Variants in ZMYM4 observed in about 807,000 individuals in gnomAD.
ZMYM4 encodes zinc finger MYM-type containing 4, also known as zinc finger MYM-type protein 4.
ZMYM4 carries 31 observed loss-of-function variants against 183.2 expected under a neutral mutation model. The ratio of observed to expected loss-of-function variants is 0.17; its 90% confidence interval spans 0.13 to 0.23. The LOEUF is 0.23. Among genes scored for constraint, ZMYM4 ranks in the 10% least tolerant of loss-of-function variants. The pLI is 1.00. For missense variants in ZMYM4, 1,273 were observed against 1,840.3 expected (o/e 0.69, Z 5.64); for synonymous variants, 592 against 631.2 (o/e 0.94, Z 0.93).
At chr1:35,378,983 GA>G (rs1257490164) in intron 7 of ZMYM4, among the ~76,000 whole-genome samples, 2 of 152,188 alleles carry the variant, frequency 1.3e-5, no homozygotes, top group Non-Finnish European at 2.9e-5. Flanking sequence ...GAATTCAAGA[GA>G]ATTAGGGCCT....
chr1:35,397,367 G>T lies in ZMYM4; in HGVS notation c.3031-10G>T. On this transcript the variant is annotated splice_polypyrimidine_tract_variant and intron_variant, in intron 19 of 29. Coordinates refer to ENST00000314607, the MANE Select transcript of ZMYM4 (RefSeq NM_005095.3). ...CAAAGAAAGCCTTCAGTCTATCCTT[G>T]GTCTTTCAGATGCCTGTCCCTATGC... 1 of 1,569,302 alleles carries T rather than the reference G, an allele frequency of 6.4e-7. No homozygotes were observed. The highest frequency in any genetic ancestry group is 1.2e-5 in the South Asian group (1 of 80,342).
At chr1:35,391,628 T>C (rs1052024182) in intron 15 of ZMYM4, among the ~76,000 whole-genome samples, 1 of 152,214 alleles carries the variant, frequency 6.6e-6, no homozygotes, top group Non-Finnish European at 1.5e-5. Flanking sequence ...GTGATCTTCA[T>C]TGGTATTGTG....
At chr1:35,405,586 A>T (rs1644987923) in intron 25 of ZMYM4, 118 bp downstream of exon 25, 1 of 809,246 alleles carries the variant, frequency 1.2e-6, no homozygotes, top group African/African-American at 1.8e-5. Flanking sequence ...TAGAAAGAGA[A>T]ATTAATCTTA....
At chr1:35,301,624 G>A (rs1641282821) in intron 1 of ZMYM4, among the ~76,000 whole-genome samples, 1 of 151,744 alleles carries the variant, frequency 6.6e-6, no homozygotes, top group Non-Finnish European at 1.5e-5. Context: ...ATAAACTCTA[G>A]GAATTGTTCT....
chr1:35,376,016 C>T (rs1017033645), intron 7 of ZMYM4, among the ~76,000 whole-genome samples: 2 of 151,308 alleles, frequency 1.3e-5, no homozygotes, highest in African/African-American at 4.9e-5. Context: ...TTTGAGGCTG[C>T]AGTGAGCTAT....
At chr1:35,416,107 G>A (rs2149046814) in intron 28 of ZMYM4, among the ~76,000 whole-genome samples, 1 of 152,186 alleles carries the variant, frequency 6.6e-6, no homozygotes, top group Non-Finnish European at 1.5e-5. Context: ...TTTTTGACCA[G>A]AGCCCCTCTT....
chr1:35,414,583 T>A (rs184250494), intron 27 of ZMYM4, among the ~76,000 whole-genome samples: 83 of 152,332 alleles, frequency 5.4e-4, no homozygotes, highest in African/African-American at 2.0e-3. Flanking sequence ...CAGAGCACCT[T>A]TAACAGTAAG....
At chr1:35,374,017 TTC>T (rs1258131371) in intron 7 of ZMYM4, among the ~76,000 whole-genome samples, 77 of 140,508 alleles carry the variant, frequency 5.5e-4, no homozygotes, top group Non-Finnish European at 9.6e-4. Flanking sequence ...CATCATGGGA[TTC>T]TTTTTTTTTT....
chr1:35,299,241 A>G (rs1365953132), intron 1 of ZMYM4, among the ~76,000 whole-genome samples: 1 of 152,114 alleles, frequency 6.6e-6, no homozygotes, highest in Non-Finnish European at 1.5e-5. Context: ...TACTTTAAAG[A>G]TGTTGCTCCT....
intron 13 of ZMYM4, among the ~76,000 whole-genome samples, chr1:35,388,691 A>C (rs1644635314): frequency 6.6e-6 from 1 of 151,324 alleles, no homozygotes; most frequent in African/African-American, 2.4e-5. Flanking sequence ...TAGACCACTT[A>C]TTTTTCTTTT....
chr1:35,274,118 G>A (rs1639750630), intron 1 of ZMYM4, among the ~76,000 whole-genome samples: 1 of 151,906 alleles, frequency 6.6e-6, no homozygotes, highest in African/African-American at 2.4e-5. Context: ...TTTGCTAAAT[G>A]TATTACTTAA....
intron 1 of ZMYM4, among the ~76,000 whole-genome samples, chr1:35,280,536 G>C (rs1025571984): frequency 1.3e-5 from 2 of 152,134 alleles, no homozygotes; most frequent in African/African-American, 4.8e-5. Context: ...CCACAAACTT[G>C]GTGGTTTAAA....
chr1:35,378,105 C>G (rs1644373645), intron 7 of ZMYM4, among the ~76,000 whole-genome samples: 1 of 152,196 alleles, frequency 6.6e-6, no homozygotes, highest in Non-Finnish European at 1.5e-5. Flanking sequence ...CTTATCTGTT[C>G]AAGTTTTATC....
At chr1:35,305,283 A>G (rs796635417) in intron 1 of ZMYM4, among the ~76,000 whole-genome samples, 11 of 152,320 alleles carry the variant, frequency 7.2e-5, no homozygotes, top group African/African-American at 2.6e-4. Context: ...AACTGACAGA[A>G]CTATAAATCT....
intron 1 of ZMYM4, among the ~76,000 whole-genome samples, chr1:35,298,047 A>C (rs1156345574): frequency 6.6e-6 from 1 of 152,240 alleles, no homozygotes; most frequent in Non-Finnish European, 1.5e-5. Flanking sequence ...GTCTGAGGCA[A>C]AGTTAACAAG....
intron 1 of ZMYM4, among the ~76,000 whole-genome samples, chr1:35,291,123 CAT>C (rs1287766663): frequency 1.3e-5 from 2 of 151,946 alleles, no homozygotes; most frequent in Admixed American, 6.6e-5. Context: ...TTTATATAAA[CAT>C]GTTTTCATTT....
At chr1:35,357,608 A>G (rs1416730954) in intron 2 of ZMYM4, among the ~76,000 whole-genome samples, 1 of 152,182 alleles carries the variant, frequency 6.6e-6, no homozygotes, top group Non-Finnish European at 1.5e-5. Flanking sequence ...AATAAAGTTG[A>G]CAGAATTTGT....
At chr1:35,416,705 A>G (rs1640127857) in intron 28 of ZMYM4, among the ~76,000 whole-genome samples, 1 of 152,212 alleles carries the variant, frequency 6.6e-6, no homozygotes, top group African/African-American at 2.4e-5. Flanking sequence ...CTGGGACTAC[A>G]GGCATGTGCT....
intron 17 of ZMYM4, among the ~76,000 whole-genome samples, chr1:35,393,059 ATTCT>A (rs1644740124): frequency 6.6e-6 from 1 of 152,220 alleles, no homozygotes; most frequent in Non-Finnish European, 1.5e-5. Context: ...GTAAAAAAAA[ATTCT>A]TTTTTTAACC....
Sources: gnomAD v4.1 joint callset for allele counts (sites outside exome capture counted in the v4.1 genomes callset) on GRCh38, gnomAD v4.1.1 for gene constraint, MANE v1.5 for transcripts, NCBI Gene and HGNC (gene_info 2026-07-23, HGNC 2026-07-21) for gene names.